The following BLZF1 variants were observed in gnomAD, a reference collection of about 807,000 sequenced individuals.
BLZF1 encodes the protein basic leucine zipper nuclear factor 1.
BLZF1 carries 39 observed loss-of-function variants against 43.8 expected under a neutral mutation model. The ratio of observed to expected loss-of-function variants is 0.89; its 90% confidence interval spans 0.69 to 1.16. The LOEUF is 1.16. BLZF1 is among the 50% of genes most tolerant of loss of function. BLZF1 has a pLI of 0.00. For synonymous variants in BLZF1, 136 were observed against 159.4 expected, an observed-to-expected ratio of 0.85 and a Z score of 1.11; for missense variants, 449 against 469.8, an observed-to-expected ratio of 0.96 and a Z score of 0.41.
Position 169,382,286 on chromosome 1 carries a change from A to G in BLZF1, c.1017+5A>G, listed in dbSNP as rs771987442. 4.3e-6 allele frequency: 7 copies of G among 1,610,926 alleles called. No individual in the cohort carries two copies. In the South Asian group the frequency reaches 7.7e-5, roughly 18 times the overall value. ...GCTGAGAAAATGGCTGAAACGGTAA[A>G]ATATTTTCTTTTGTGATCTATGGAA... On this transcript the variant is annotated splice_donor_5th_base_variant and intron_variant, in intron 6 of 6. Transcript: ENST00000367808.
chr1:169,383,978 GACTTTT>G (rs1330766626), intron 6 of BLZF1, among the ~76,000 whole-genome samples: 1 of 151,990 alleles, frequency 6.6e-6, no homozygotes, highest in Non-Finnish European at 1.5e-5. Flanking sequence ...TTCCATCTCA[GACTTTT>G]TTCTGAGTCT....
intron 4 of BLZF1, 80 bp from the exon 5 acceptor site, chr1:169,380,401 C>G: frequency 7.8e-7 from 1 of 1,282,366 alleles, no homozygotes; most frequent in South Asian, 1.7e-5. Flanking sequence ...CTGAAAGTGA[C>G]AGTCACAAAG....
intron 3 of BLZF1, 30 bp downstream of exon 3, chr1:169,377,009 T>C: frequency 2.6e-6 from 4 of 1,553,788 alleles, no homozygotes; most frequent in Non-Finnish European, 3.5e-6. Flanking sequence ...ATAAAATGAG[T>C]ACTACTCTTT....
At chr1:169,386,392 G>A (rs1654666935) in intron 6 of BLZF1, among the ~76,000 whole-genome samples, 1 of 152,092 alleles carries the variant, frequency 6.6e-6, no homozygotes, top group Non-Finnish European at 1.5e-5. Flanking sequence ...AAAAGAAATT[G>A]ACATCACTTA....
intron 6 of BLZF1, 40 bp downstream of exon 6, chr1:169,382,321 C>T (rs1654551297): frequency 1.3e-6 from 2 of 1,547,988 alleles, no homozygotes; most frequent in South Asian, 2.3e-5. Flanking sequence ...ACTTCTAACA[C>T]TGTCCTTTTA....
intron 6 of BLZF1, among the ~76,000 whole-genome samples, chr1:169,386,699 A>G (rs531136204): frequency 2.7e-5 from 4 of 149,726 alleles, no homozygotes; most frequent in Non-Finnish European, 4.5e-5. Context: ...AAAAAAAGAC[A>G]TAATGATATA....
intron 2 of BLZF1, among the ~76,000 whole-genome samples, chr1:169,372,781 ATTTG>A (rs1307050718): frequency 6.6e-6 from 1 of 152,222 alleles, no homozygotes; most frequent in East Asian, 1.9e-4. Flanking sequence ...AAAGAGAAAT[ATTTG>A]TTCAATGACA....
intron 7 of BLZF1, among the ~76,000 whole-genome samples, chr1:169,395,607 C>G (rs1654976361): frequency 6.6e-6 from 1 of 152,280 alleles, no homozygotes; most frequent in East Asian, 1.9e-4. Flanking sequence ...AGAATACTAT[C>G]ATGCAGAAAT....
intron 4 of BLZF1, among the ~76,000 whole-genome samples, chr1:169,380,243 G>A (rs967989382): frequency 1.3e-5 from 2 of 151,980 alleles, no homozygotes; most frequent in African/African-American, 4.8e-5. Flanking sequence ...ATATAGGAAA[G>A]TTGAATAACT....
downstream of BLZF1, among the ~76,000 whole-genome samples, chr1:169,392,563 G>A (rs184393852): frequency 1.1e-4 from 16 of 152,294 alleles, no homozygotes; most frequent in African/African-American, 3.6e-4. Context: ...TTTTGGTCTT[G>A]TACCAGTTTC....
intron 2 of BLZF1, among the ~76,000 whole-genome samples, chr1:169,370,187 C>CT (rs1368171547): frequency 6.6e-6 from 1 of 152,180 alleles, no homozygotes; most frequent in Non-Finnish European, 1.5e-5. Flanking sequence ...TAAATTTACC[C>CT]TTTTTATAAA....
intron 4 of BLZF1, among the ~76,000 whole-genome samples, chr1:169,379,043 G>C (rs1654449638): frequency 6.6e-6 from 1 of 151,854 alleles, no homozygotes; most frequent in South Asian, 2.1e-4. Flanking sequence ...TTCTCATCCA[G>C]GCCTCTCAAC....
chr1:169,380,665 T>C (rs1654495997), intron 5 of BLZF1, 56 bp downstream of exon 5: 3 of 1,590,676 alleles, frequency 1.9e-6, no homozygotes, highest in Admixed American at 3.5e-5. Context: ...AATTAAGTTA[T>C]TGTAGTTTTG....
At chr1:169,378,630 C>G in intron 4 of BLZF1, 101 bp downstream of exon 4, 1 of 1,113,190 alleles carries the variant, frequency 9.0e-7, no homozygotes, top group Non-Finnish European at 1.3e-6. Flanking sequence ...AAATTTCTGA[C>G]TAAGGTCATC....
chr1:169,369,419 C>T, intron 1 of BLZF1, 54 bp from the exon 2 acceptor site: 1 of 884,824 alleles, frequency 1.1e-6, no homozygotes, highest in East Asian at 2.7e-5. Flanking sequence ...ATTGGAGGTA[C>T]TCTATGTGTT....
chr1:169,387,230 A>G lies in BLZF1; in HGVS notation c.*48A>G. On this transcript the variant is annotated 3_prime_UTR_variant, in exon 7 of 7. Coordinates refer to ENST00000367808, the MANE Select transcript of BLZF1 (RefSeq NM_001320973.2). ...CTAAGGTACTTCCTTATTACCCAAG[A>G]GTCATTATTATTTGGGAGCTGGGGT... 6.5e-7 allele frequency: 1 copy of G among 1,532,476 alleles called. No homozygotes were observed. The highest frequency in any genetic ancestry group is 8.8e-7 in the Non-Finnish European group (1 of 1,130,290). The allele number at this position is 1,532,476 out of a possible 1,614,324, so 94.9% of individuals were successfully genotyped here. A position where few individuals can be genotyped will look rare whatever the true frequency, so the allele number is the denominator to read the frequency against.
At chr1:169,392,493 T>G (rs535023716), downstream of BLZF1, among the ~76,000 whole-genome samples, 3 of 152,302 alleles carry the variant, frequency 2.0e-5, no homozygotes, top group South Asian at 6.2e-4. Flanking sequence ...AATAACTGAA[T>G]GTACACATGC....
intron 6 of BLZF1, among the ~76,000 whole-genome samples, chr1:169,386,023 A>G (rs1654657558): frequency 6.6e-6 from 1 of 152,224 alleles, no homozygotes; most frequent in African/African-American, 2.4e-5. Context: ...AAATAGGAAC[A>G]TGAGAATCAA....
intron 2 of BLZF1, among the ~76,000 whole-genome samples, chr1:169,376,222 T>C (rs1654337897): frequency 1.3e-5 from 2 of 152,090 alleles, no homozygotes; most frequent in South Asian, 2.1e-4. Context: ...CAAAATTCTA[T>C]AGCAAAGTTG....
Sources: gnomAD v4.1 joint callset for allele counts (sites outside exome capture counted in the v4.1 genomes callset) on GRCh38, gnomAD v4.1.1 for gene constraint, MANE v1.5 for transcripts, NCBI Gene and HGNC (gene_info 2026-07-23, HGNC 2026-07-21) for gene names.